The following TP53BP1 variants were observed in gnomAD, a reference collection of about 807,000 sequenced individuals.
The protein encoded by TP53BP1 is TP53-binding protein 1.
Under a neutral mutation model 200.8 loss-of-function variants are expected in TP53BP1, and 61 were observed. The ratio of observed to expected loss-of-function variants is 0.30; its 90% confidence interval spans 0.25 to 0.38. TP53BP1 has a LOEUF of 0.38. Among genes scored for constraint, TP53BP1 ranks in the 10% least tolerant of loss-of-function variants. The pLI is 1.00. For synonymous variants in TP53BP1, 822 were observed against 844.3 expected, an observed-to-expected ratio of 0.97 and a Z score of 0.46; for missense variants, 2,144 against 2,371.9, an observed-to-expected ratio of 0.90 and a Z score of 2.00.
upstream of TP53BP1, among the ~76,000 whole-genome samples, chr15:43,493,589 CCAACAGAAGAGACTCTTTCTTCTTTGA>C (rs1212074627): frequency 6.6e-6 from 1 of 152,068 alleles, no homozygotes; most frequent in South Asian, 2.1e-4. Context: ...GCTGGTGAAC[CCAACAGAAGAGACTCTTTCTTCTTTGA>C]CACAGGGTTA....
chr15:43,506,211 A>G (rs2079235611), intron 1 of TP53BP1, among the ~76,000 whole-genome samples: 1 of 152,206 alleles, frequency 6.6e-6, no homozygotes, highest in South Asian at 2.1e-4. Context: ...AGATGAGTGC[A>G]ACTAATTGCA....
chr15:43,422,370 A>G (rs556742833), intron 18 of TP53BP1, among the ~76,000 whole-genome samples: 3 of 152,244 alleles, frequency 2.0e-5, no homozygotes, highest in Admixed American at 6.5e-5. Flanking sequence ...GGTGATTCTG[A>G]GAAGAATTGT....
chr15:43,448,251 A>C (rs957427179), intron 12 of TP53BP1, among the ~76,000 whole-genome samples: 4 of 152,214 alleles, frequency 2.6e-5, no homozygotes, highest in Non-Finnish European at 4.4e-5. Flanking sequence ...ATTTTTGCTA[A>C]TCAGAACTAG....
At chr15:43,455,846 G>T (rs761503953) in intron 12 of TP53BP1, 46 bp downstream of exon 12, 1 of 1,601,682 alleles carries the variant, frequency 6.2e-7, no homozygotes, top group African/African-American at 1.3e-5. Flanking sequence ...TTCCATTCCA[G>T]ATTATAATTT....
At chr15:43,420,900 C>T (rs1472078879) in intron 20 of TP53BP1, 125 bp downstream of exon 20, 4 of 1,356,322 alleles carry the variant, frequency 2.9e-6, no homozygotes, top group East Asian at 2.3e-5. Flanking sequence ...CTGATCCCTG[C>T]CCACTCCCCA....
intron 12 of TP53BP1, among the ~76,000 whole-genome samples, chr15:43,452,838 G>C (rs1212397426): frequency 6.6e-6 from 1 of 152,108 alleles, no homozygotes; most frequent in Non-Finnish European, 1.5e-5. Flanking sequence ...AAGAATTCAT[G>C]AAGAATACTA....
chr15:43,485,500 C>T (rs2079033298), intron 4 of TP53BP1, among the ~76,000 whole-genome samples: 1 of 142,048 alleles, frequency 7.0e-6, no homozygotes, highest in Non-Finnish European at 1.5e-5. Flanking sequence ...TGACGTGAAC[C>T]CAGGAGGCGG....
At chr15:43,458,080 T>C (rs184369402) in intron 11 of TP53BP1, among the ~76,000 whole-genome samples, 93 of 152,084 alleles carry the variant, frequency 6.1e-4, no homozygotes, top group Admixed American at 1.4e-3. Flanking sequence ...AAAATATCAA[T>C]AGTCAACAGA....
At chr15:43,423,557 T>C (rs537855805) in intron 18 of TP53BP1, among the ~76,000 whole-genome samples, 1 of 146,610 alleles carries the variant, frequency 6.8e-6, no homozygotes, top group Non-Finnish European at 1.5e-5. Flanking sequence ...CTCGAAAAGC[T>C]GAGGCAGAAG....
At chr15:43,497,481 T>C, upstream of TP53BP1, 2 of 984,792 alleles carry the variant, frequency 2.0e-6, no homozygotes, top group African/African-American at 1.7e-5. Flanking sequence ...CGATAAATCC[T>C]GGCTCTTCTC....
In TP53BP1 at chr15:43,474,635, TCTAATC is replaced by T. The variant is rs778023931; in HGVS notation, c.1180+32_1180+37del. 8 of 1,440,824 alleles carry T rather than the reference TCTAATC, an allele frequency of 5.6e-6. No homozygotes were observed. The African/African-American group carries it at 1.1e-4, about 20-fold the overall frequency. 89.3% of individuals were successfully genotyped at this position (1,440,824 alleles called of 1,614,324 possible). ...AAGGCAGAAAAAGTGTTGCTCCTCT[TCTAATC>T]TGAGATCAACAGACAGATCAAGAGA... On this transcript the variant is annotated intron_variant, in intron 10 of 27. Coordinates refer to ENST00000382044, the MANE Select transcript of TP53BP1 (RefSeq NM_001141980.3).
Position 43,456,449 on chromosome 15 carries a change from G to A in TP53BP1, c.2159C>T (p.Ala720Val), listed in dbSNP as rs183856032. Residue 720 changes from alanine to valine, a missense_variant, in exon 12 of 28, where the codon GCT becomes GTT. Transcript: ENST00000382044. ...AATCACACTGGTTTCAACTTCCATA[G>A]CTTCTGAGCATTCTTTTTTTGGCAT... ...KEMPKKECSE[A>V]MEVETSVISI... The A allele has an allele frequency of 1.3e-6, 2 of 1,569,298 alleles. No homozygotes were observed. Among genetic ancestry groups the A allele is most frequent in the East Asian group, 4.5e-5 (2 of 44,712 alleles).
intron 24 of TP53BP1, among the ~76,000 whole-genome samples, chr15:43,412,063 T>C (rs957209396): frequency 6.6e-6 from 1 of 152,184 alleles, no homozygotes; most frequent in Non-Finnish European, 1.5e-5. Flanking sequence ...TCTGATTGTT[T>C]GACAAGCTAG....
At chr15:43,499,024 A>C (rs951742917) in intron 1 of TP53BP1, among the ~76,000 whole-genome samples, 11 of 151,996 alleles carry the variant, frequency 7.2e-5, no homozygotes, top group African/African-American at 2.2e-4. Context: ...AACAACAAAA[A>C]AAAAAAAACA....
intron 11 of TP53BP1, among the ~76,000 whole-genome samples, chr15:43,468,362 T>C (rs955988020): frequency 2.6e-5 from 4 of 152,118 alleles, no homozygotes; most frequent in East Asian, 1.9e-4. Flanking sequence ...CCTGGCAACA[T>C]AGTGATACCC....
chr15:43,457,126 A>G lies in TP53BP1; in HGVS notation c.1482T>C (p.Cys494=). The G allele has an allele frequency of 1.2e-6, 2 of 1,614,140 alleles. No homozygotes were observed. Among genetic ancestry groups the G allele is most frequent in the African/African-American group, 1.3e-5 (1 of 75,046 alleles). ...DMHSSSLTVE[C]SKTSEIEPKN... ...TTGGTTCAATCTCTGAAGTTTTAGA[A>G]CACTCAACTGTCAAAGATGAACTAT... The change falls in exon 12 of 28, where the codon TGT becomes TGC. Residue 494 remains cysteine (C), a synonymous_variant. Coordinates refer to ENST00000382044, the MANE Select transcript of TP53BP1 (RefSeq NM_001141980.3).
intron 5 of TP53BP1, 78 bp downstream of exon 5, chr15:43,480,817 G>A (rs905595547): frequency 8.1e-6 from 12 of 1,480,620 alleles, no homozygotes; most frequent in African/African-American, 5.6e-5. Flanking sequence ...TAATAAAGAG[G>A]AGAAATTTAG....
chr15:43,432,776 G>GA (rs2045702450), intron 16 of TP53BP1, 99 bp from the exon 17 acceptor site: 5 of 1,331,964 alleles, frequency 3.8e-6, no homozygotes, highest in Non-Finnish European at 5.1e-6. Flanking sequence ...GGCAAGGGGG[G>GA]AGCCATATTT....
intron 21 of TP53BP1, among the ~76,000 whole-genome samples, chr15:43,419,166 G>A (rs1211809970): frequency 2.6e-5 from 4 of 152,190 alleles, no homozygotes; most frequent in Non-Finnish European, 5.9e-5. Flanking sequence ...GTTGCAGTGA[G>A]CCTAGATTGC....
Sources: allele counts gnomAD v4.1 joint callset (sites outside exome capture counted in the v4.1 genomes callset), GRCh38; gene constraint gnomAD v4.1.1; transcripts MANE v1.5; gene names NCBI Gene and HGNC (gene_info 2026-07-23, HGNC 2026-07-21).